Variants in ADD1 observed in about 807,000 individuals in gnomAD.
ADD1 encodes the protein adducin 1, also known as alpha-adducin.
ADD1 carries 24 observed loss-of-function variants against 80.5 expected under a neutral mutation model. The ratio of observed to expected loss-of-function variants is 0.30; its 90% CI spans 0.22 to 0.42. The LOEUF (loss-of-function observed/expected upper bound fraction) is 0.42. Ranked by LOEUF, ADD1 falls within the 10% of genes least tolerant of loss-of-function variation. The pLI is 1.00. For missense variants in ADD1, 948 were observed against 1,019.0 expected (o/e 0.93, Z 0.95); for synonymous variants, 373 against 393.8 (o/e 0.95, Z 0.63).
At chr4:2,864,585 A>G (rs1354087144) in intron 1 of ADD1, among the ~76,000 whole-genome samples, 2 of 152,140 alleles carry the variant, frequency 1.3e-5, no homozygotes, top group Admixed American at 6.5e-5. Context: ...AATGTATCTG[A>G]GATGCCAAGT....
intron 14 of ADD1, among the ~76,000 whole-genome samples, chr4:2,919,671 T>G (rs1427705748): frequency 6.6e-6 from 1 of 152,248 alleles, no homozygotes; most frequent in Non-Finnish European, 1.5e-5. Flanking sequence ...TTCTGTGGGA[T>G]CAGTGGTGAT....
At chr4:2,896,622 C>T (rs555493689) in intron 6 of ADD1, among the ~76,000 whole-genome samples, 9 of 152,206 alleles carry the variant, frequency 5.9e-5, no homozygotes, top group South Asian at 2.1e-4. Context: ...TTATTAGATA[C>T]ATCATTGTGT....
chr4:2,908,462 G>T, intron 11 of ADD1, 53 bp from the exon 12 acceptor site: 1 of 1,529,374 alleles, frequency 6.5e-7, no homozygotes, highest in Non-Finnish European at 9.1e-7. Flanking sequence ...AGGGCTCCCA[G>T]GCAGCATGGC....
rs79760129 is a variant in ADD1 at position 2,883,444 on chromosome 4, T to C, written c.359-1071T>C. The stretch of plus-strand genomic sequence containing the variant: ...TGAATGGATGTTGAACTTTGTGAAA[T>C]GCTTCTTTTCTTTCTGTTAAAATGA... On this transcript the variant is annotated intron_variant, in intron 3 of 15. Transcript: ENST00000683351. Among the ~76,000 whole-genome samples, 383 of 152,302 alleles carry C rather than the reference T, an allele frequency of 2.5e-3. 4 individuals carry two copies. Among genetic ancestry groups the C allele is most frequent in the African/African-American group, 9.0e-3 (373 of 41,574 alleles).
intron 9 of ADD1, 66 bp downstream of exon 9, chr4:2,899,501 A>T (rs1170845583): frequency 6.3e-7 from 1 of 1,579,704 alleles, no homozygotes; most frequent in South Asian, 1.1e-5. Context: ...TGGTGTTCTT[A>T]CAGCAAGTGC....
At chr4:2,853,236 G>T (rs1251551292) in intron 1 of ADD1, 2 of 151,078 alleles carry the variant, frequency 1.3e-5, no homozygotes, top group Non-Finnish European at 2.9e-5. Context: ...AGCCTCCCCA[G>T]TACCTGGGAT....
In ADD1 at chr4:2,904,874, C is replaced by T. The variant is rs780314941; in HGVS notation, c.1272C>T (p.Asp424=). The T allele has an allele frequency of 2.7e-5, 44 of 1,614,170 alleles. No homozygotes were observed. Among genetic ancestry groups the T allele is most frequent in the Middle Eastern group, 1.6e-4 (1 of 6,062 alleles). The part of the protein sequence containing the change: ...ASVTGYSFAS[D]GDSGTCSPLR... ...TCACAGGTTACTCCTTTGCTAGTGACGGTGATTCGGGCACTTGCTCCCCAC... is the reference window on the plus strand; with the variant it reads ...TCACAGGTTACTCCTTTGCTAGTGATGGTGATTCGGGCACTTGCTCCCCAC... The change falls in exon 10 of 16, where the codon GAC becomes GAT. Residue 424 remains aspartate, a synonymous_variant. Coordinates refer to ENST00000683351, the MANE Select transcript of ADD1 (RefSeq NM_001354761.2).
At chr4:2,893,512 C>G (rs1333337913) in intron 4 of ADD1, among the ~76,000 whole-genome samples, 1 of 151,574 alleles carries the variant, frequency 6.6e-6, no homozygotes, top group Non-Finnish European at 1.5e-5. Flanking sequence ...ACTTGGGAGG[C>G]TGAGGTGGGA....
At chr4:2,853,037 A>G (rs1474856463) in intron 1 of ADD1, 2 of 152,104 alleles carry the variant, frequency 1.3e-5, no homozygotes, top group African/African-American at 2.4e-5. Context: ...TTAAAGCATA[A>G]TGAATGTACA....
At chr4:2,898,945 C>T (rs543207713) in intron 8 of ADD1, 36 of 384,118 alleles carry the variant, frequency 9.4e-5, no homozygotes, top group African/African-American at 5.7e-4. Context: ...CTCCGTCAGC[C>T]GTTAGTTCAC....
chr4:2,907,706 C>A, intron 10 of ADD1, 37 bp from the exon 11 acceptor site: 1 of 1,545,096 alleles, frequency 6.5e-7, no homozygotes, highest in South Asian at 1.1e-5. Context: ...TTATTGTTGT[C>A]ATAATTCTGA....
At chr4:2,864,230 C>T (rs568765795) in intron 1 of ADD1, among the ~76,000 whole-genome samples, 1 of 152,044 alleles carries the variant, frequency 6.6e-6, no homozygotes, top group African/African-American at 2.4e-5. Flanking sequence ...CTGGGCGATA[C>T]GGTGAAACCC....
intron 4 of ADD1, among the ~76,000 whole-genome samples, chr4:2,885,976 G>A (rs1026137659): frequency 6.6e-6 from 1 of 152,166 alleles, no homozygotes; most frequent in Non-Finnish European, 1.5e-5. Flanking sequence ...CTTTTGTAGA[G>A]ATAGCTTCTT....
intron 1 of ADD1, among the ~76,000 whole-genome samples, chr4:2,852,207 C>CCTTTCCTTCCTTTCCTTTCTTTCCTTT: frequency 1.5e-5 from 1 of 66,140 alleles, no homozygotes; most frequent in East Asian, 3.8e-4. Context: ...TCCTTTCTTT[C>CCTTTCCTTCCTTTCCTTTCTTTCCTTT]CTTTCCTTTC....
At position 2,904,417 on chromosome 4, in the gene ADD1, C is replaced by T. The variant is rs143582577; in HGVS notation, c.1162-347C>T. 1.1e-3 allele frequency among the ~76,000 whole-genome samples: 166 copies of T among 152,334 alleles called. 1 individual carries two copies. The highest frequency in any genetic ancestry group is 3.5e-3 in the Admixed American group (54 of 15,294). ...ATGTTCTTTGCAGGTTGGTCTCTTT[C>T]ACTCAGCGTTGCCTTCAGGAGAGTC... On this transcript the variant is annotated intron_variant, in intron 9 of 15. Transcript: ENST00000683351.
chr4:2,923,397 C>T (rs1648098948), intron 14 of ADD1, among the ~76,000 whole-genome samples: 1 of 152,200 alleles, frequency 6.6e-6, no homozygotes, highest in Non-Finnish European at 1.5e-5. Flanking sequence ...TGAGGGAGTT[C>T]CCCGACTCCT....
chr4:2,894,523 A>AG, intron 5 of ADD1, 59 bp from the exon 6 acceptor site: 1 of 1,503,326 alleles, frequency 6.7e-7, no homozygotes, highest in East Asian at 2.4e-5. Context: ...AAAAAAAAAA[A>AG]AAGAAAAGAA....
At chr4:2,900,703 G>A (rs1383775422) in intron 9 of ADD1, 1 of 152,228 alleles carries the variant, frequency 6.6e-6, no homozygotes, top group African/African-American at 2.4e-5. Flanking sequence ...CACTTGGGAT[G>A]AATATTGTCC....
intron 1 of ADD1, among the ~76,000 whole-genome samples, chr4:2,870,435 T>C (rs1386472972): frequency 1.3e-5 from 2 of 152,234 alleles, no homozygotes; most frequent in Admixed American, 1.3e-4. Context: ...TCAATGCCAT[T>C]TAGCAAACCA....
Sources: gnomAD v4.1 joint callset for allele counts (sites outside exome capture counted in the v4.1 genomes callset) on GRCh38, gnomAD v4.1.1 for gene constraint, MANE v1.5 for transcripts, NCBI Gene and HGNC (gene_info 2026-07-23, HGNC 2026-07-21) for gene names.